PRKAA2: variants seen among roughly 807,000 people sequenced by gnomAD.
PRKAA2 encodes the protein protein kinase AMP-activated catalytic subunit alpha 2.
PRKAA2 carries 40 observed loss-of-function variants against 56.3 expected under a neutral mutation model. The ratio of observed to expected loss-of-function variants is 0.71; its 90% CI spans 0.55 to 0.92. The LOEUF (loss-of-function observed/expected upper bound fraction) is 0.92, where lower values mean the gene tolerates loss of function less well. Among genes scored for constraint, PRKAA2 ranks in the 40% least tolerant of loss-of-function variants. The pLI is 0.00. For missense variants in PRKAA2, 542 were observed against 686.9 expected, an observed-to-expected ratio of 0.79 and a Z score of 2.36; for synonymous variants, 214 against 234.2, an observed-to-expected ratio of 0.91 and a Z score of 0.79.
Position 56,710,470 on chromosome 1 carries a change from C to T in PRKAA2, c.*2757C>T, listed in dbSNP as rs1644362587. On this transcript the variant is annotated 3_prime_UTR_variant, in exon 9 of 9. Coordinates refer to ENST00000371244, the MANE Select transcript of PRKAA2 (RefSeq NM_006252.4). ...CAAATTAATTTTTCATTTTAAAAAACTTAATAGCCCATGAAAAGCAAATTT... is the reference window on the plus strand; with the variant it reads ...CAAATTAATTTTTCATTTTAAAAAATTTAATAGCCCATGAAAAGCAAATTT... 2 of 152,008 alleles carry T rather than the reference C, an allele frequency of 1.3e-5. No homozygotes were observed. Among genetic ancestry groups the T allele is most frequent in the Admixed American group, 1.3e-4 (2 of 15,256 alleles). 9.4% of individuals were successfully genotyped at this position (152,008 alleles called of 1,614,324 possible). A position where few individuals can be genotyped will look rare whatever the true frequency, so the allele number is the denominator to read the frequency against.
intron 1 of PRKAA2, among the ~76,000 whole-genome samples, chr1:56,652,869 A>G (rs1188917743): frequency 2.6e-5 from 4 of 152,210 alleles, no homozygotes. Context: ...ATAGAGCTGT[A>G]GTAATCTGCC....
chr1:56,646,840 C>G (rs1411930931), intron 1 of PRKAA2, among the ~76,000 whole-genome samples: 1 of 152,052 alleles, frequency 6.6e-6, no homozygotes, highest in Non-Finnish European at 1.5e-5. Context: ...TTCATGTGTT[C>G]AAAAAACGCT....
At position 56,707,692 on chromosome 1, in the gene PRKAA2, GA is replaced by G; in HGVS notation, c.1639del (p.Ile547LeufsTer4). 1 of 1,602,578 alleles carries G rather than the reference GA, an allele frequency of 6.2e-7. No individual in the cohort carries two copies. Among genetic ancestry groups the G allele is most frequent in the Non-Finnish European group, 8.6e-7 (1 of 1,169,530 alleles). ...ATTTTTTTGAAATGTGTGCCAGTCT[GA>G]TTACTACTTTAGCCCGTTGATCTGT... is the stretch of plus-strand genomic sequence containing the variant. Reference protein sequence around the residue: ...MDFFEMCASLITTLAR With the variant: ...MDFFEMCASLXTTLAR On this transcript the variant is annotated frameshift_variant, in exon 9 of 9. Transcript: ENST00000371244. LOFTEE classifies it high-confidence loss of function.
chr1:56,698,839 G>A (rs1488844911), intron 6 of PRKAA2, among the ~76,000 whole-genome samples: 1 of 152,104 alleles, frequency 6.6e-6, no homozygotes, highest in African/African-American at 2.4e-5. Flanking sequence ...TCTGCTCTGT[G>A]CAAGGTCTTG....
chr1:56,655,990 A>G (rs975729021), intron 1 of PRKAA2, among the ~76,000 whole-genome samples: 1 of 152,216 alleles, frequency 6.6e-6, no homozygotes, highest in Non-Finnish European at 1.5e-5. Flanking sequence ...TGCAGATAGT[A>G]AAGATATCAA....
chr1:56,683,683 G>T (rs990601757), intron 2 of PRKAA2, among the ~76,000 whole-genome samples: 1 of 152,128 alleles, frequency 6.6e-6, no homozygotes, highest in Non-Finnish European at 1.5e-5. Context: ...ACAGTGAAGA[G>T]GTGAGGGGAT....
At position 56,674,501 on chromosome 1, in the gene PRKAA2, G is replaced by A. The variant is rs771285921; in HGVS notation, c.215G>A (p.Arg72His). ...GAAATTCAAAATCTAAAACTCTTTC[G>A]TCATCCTCATATTATCAAACTGTAA... ...KREIQNLKLF[R>H]HPHIIKLYQV... Residue 72 changes from arginine (R) to histidine (H), a missense_variant, in exon 2 of 9, where the codon CGT (arginine) becomes CAT (histidine). Physicochemically the swap from Arg to His is conservative, Grantham distance 29. Transcript: ENST00000371244. 5.8e-5 allele frequency: 89 copies of A among 1,537,128 alleles called. No homozygotes were observed. The highest frequency in any genetic ancestry group is 7.1e-5 in the Non-Finnish European group (81 of 1,132,960).
chr1:56,691,571 T>G (rs1644228618), intron 3 of PRKAA2, 84 bp downstream of exon 3: 3 of 1,102,622 alleles, frequency 2.7e-6, no homozygotes, highest in Non-Finnish European at 2.5e-6. Flanking sequence ...CAAAGATATC[T>G]TCAAGGTTGA....
At chr1:56,705,992 C>T (rs1439510613) in intron 7 of PRKAA2, 100 bp from the exon 8 acceptor site, 4 of 1,019,380 alleles carry the variant, frequency 3.9e-6, no homozygotes, top group Non-Finnish European at 5.6e-6. Context: ...TATTCGTATT[C>T]CTTTCCTACC....
At chr1:56,671,249 C>A (rs765909538) in intron 1 of PRKAA2, among the ~76,000 whole-genome samples, 9 of 152,098 alleles carry the variant, frequency 5.9e-5, no homozygotes, top group Non-Finnish European at 1.0e-4. Context: ...CCAATTATGA[C>A]GTTATTAGGC....
chr1:56,685,940 TAAC>T (rs1245933578), intron 2 of PRKAA2, among the ~76,000 whole-genome samples: 5 of 152,238 alleles, frequency 3.3e-5, no homozygotes, highest in Non-Finnish European at 1.5e-5. Flanking sequence ...TTATGCATGA[TAAC>T]AATATTTTGC....
chr1:56,679,368 A>G (rs1414927826), intron 2 of PRKAA2, among the ~76,000 whole-genome samples: 1 of 152,162 alleles, frequency 6.6e-6, no homozygotes, highest in Non-Finnish European at 1.5e-5. Flanking sequence ...GGATGTTCAC[A>G]TTCTAAAGTC....
intron 1 of PRKAA2, among the ~76,000 whole-genome samples, chr1:56,670,827 AATTTT>A (rs962455065): frequency 5.8e-4 from 88 of 152,266 alleles, no homozygotes; most frequent in African/African-American, 2.1e-3. Context: ...GTGTTTTTAT[AATTTT>A]ATTTCTCATC....
At position 56,701,404 on chromosome 1, in the gene PRKAA2, T is replaced by A. The variant is rs112778161; in HGVS notation, c.789-2567T>A. Among the ~76,000 whole-genome samples, 915 of 149,144 alleles carry A rather than the reference T, an allele frequency of 6.1e-3. 8 individuals carry two copies. The highest frequency in any genetic ancestry group is 0.022 in the African/African-American group (875 of 40,214). On this transcript the variant is annotated intron_variant, in intron 6 of 8. Transcript: ENST00000371244. ...AGCGAGACTCCATCTCAAAAAAAAATATATATAGAAAAGATCTATCTCAAG... is the reference window on the plus strand; with the variant it reads ...AGCGAGACTCCATCTCAAAAAAAAAAATATATAGAAAAGATCTATCTCAAG...
chr1:56,679,801 C>G (rs1265117222), intron 2 of PRKAA2, among the ~76,000 whole-genome samples: 1 of 152,098 alleles, frequency 6.6e-6, no homozygotes, highest in Non-Finnish European at 1.5e-5. Flanking sequence ...TTTATGCCAC[C>G]TTTGCTATCC....
Position 56,698,640 on chromosome 1 carries a change from T to C in PRKAA2, c.788+2481T>C, listed in dbSNP as rs1039610201. On this transcript the variant is annotated intron_variant, in intron 6 of 8. Coordinates refer to ENST00000371244, the MANE Select transcript of PRKAA2 (RefSeq NM_006252.4). Reference sequence around the variant, plus strand: ...AAATTGTTACATCAGTTCTGTGATATCTATCCTTTCAATCTATCATATTTT... The same window carrying C: ...AAATTGTTACATCAGTTCTGTGATACCTATCCTTTCAATCTATCATATTTT... Among the ~76,000 whole-genome samples, 4 of 152,214 alleles carry C rather than the reference T, an allele frequency of 2.6e-5. 1 individual carries two copies. The highest frequency in any genetic ancestry group is 9.6e-5 in the African/African-American group (4 of 41,458).
At chr1:56,655,268 C>CATATA (rs1553146925) in intron 1 of PRKAA2, among the ~76,000 whole-genome samples, 5 of 106,822 alleles carry the variant, frequency 4.7e-5, no homozygotes, top group African/African-American at 1.5e-4. Flanking sequence ...ATTTATATAT[C>CATATA]TATATATATA....
intron 7 of PRKAA2, among the ~76,000 whole-genome samples, chr1:56,705,429 G>C (rs1644324881): frequency 6.6e-6 from 1 of 151,984 alleles, no homozygotes; most frequent in Non-Finnish European, 1.5e-5. Context: ...TTTTGAGACA[G>C]GGTCTCACTC....
intron 1 of PRKAA2, among the ~76,000 whole-genome samples, chr1:56,657,688 T>C (rs1472871184): frequency 6.6e-6 from 1 of 151,674 alleles, no homozygotes; most frequent in Non-Finnish European, 1.5e-5. Flanking sequence ...AATAAATAAA[T>C]AAATAAATAA....
Sources: allele counts gnomAD v4.1 joint callset (sites outside exome capture counted in the v4.1 genomes callset), GRCh38; gene constraint gnomAD v4.1.1; transcripts MANE v1.5; gene names NCBI Gene and HGNC (gene_info 2026-07-23, HGNC 2026-07-21).